Variants in C12orf56 observed in about 807,000 individuals in gnomAD.
The protein encoded by C12orf56 is chromosome 12 open reading frame 56.
Under a neutral mutation model 69.9 loss-of-function variants are expected in C12orf56, and 71 were observed. The observed-to-expected ratio is 1.02, with a 90% CI of 0.84 to 1.24. The LOEUF (loss-of-function observed/expected upper bound fraction) is 1.24. C12orf56 is among the 50% of genes most tolerant of loss of function. The probability of loss-of-function intolerance (pLI) is 0.00; values close to 1 mark genes in which losing one functional copy is unlikely to be tolerated. For synonymous variants in C12orf56, 276 were observed against 274.1 expected, an observed-to-expected ratio of 1.01 and a Z score of -0.07; for missense variants, 732 against 738.5, an observed-to-expected ratio of 0.99 and a Z score of 0.10.
intron 6 of C12orf56, chr12:64,293,341 C>G (rs971238133): frequency 1.3e-5 from 2 of 153,186 alleles, no homozygotes; most frequent in African/African-American, 2.4e-5. Context: ...AGCTGTAGAC[C>G]GGAGCTGTTC....
intron 8 of C12orf56, among the ~76,000 whole-genome samples, chr12:64,283,632 C>T (rs2038160383): frequency 6.6e-6 from 1 of 151,414 alleles, no homozygotes; most frequent in Admixed American, 6.6e-5. Context: ...CTTGTTTGCC[C>T]TCTGCTTCTC....
At chr12:64,309,306 A>G (rs960001388) in intron 5 of C12orf56, among the ~76,000 whole-genome samples, 7 of 151,806 alleles carry the variant, frequency 4.6e-5, no homozygotes, top group Non-Finnish European at 1.0e-4. Context: ...ACTCTCCCCA[A>G]CCCCGGAGAC....
At chr12:64,382,777 G>A (rs2135986689) in intron 1 of C12orf56, among the ~76,000 whole-genome samples, 1 of 151,570 alleles carries the variant, frequency 6.6e-6, no homozygotes, top group East Asian at 2.0e-4. Context: ...GGAGGCTGGG[G>A]CAGGCGAATG....
chr12:64,373,643 A>C (rs558745970), intron 1 of C12orf56, among the ~76,000 whole-genome samples: 2 of 152,222 alleles, frequency 1.3e-5, no homozygotes, highest in African/African-American at 4.8e-5. Flanking sequence ...CTAACTCTCC[A>C]GTCTCCACTA....
In C12orf56 at chr12:64,265,478, A is replaced by ATT. The variant is rs1427946178; in HGVS notation, c.*1704_*1705insAA. On this transcript the variant is annotated 3_prime_UTR_variant, in exon 13 of 13. Coordinates refer to ENST00000543942, the MANE Select transcript of C12orf56 (RefSeq NM_001170633.2). ...ACACTACTCCATTTCAGAGTGTTAA[A>ATT]TGTCTTGTCACAGGCAGAGAATGTA... is the stretch of plus-strand genomic sequence containing the variant. The ATT allele has an allele frequency of 6.6e-6, 1 of 152,252 alleles. No homozygotes were observed. The highest frequency in any genetic ancestry group is 1.5e-5 in the Non-Finnish European group (1 of 68,064). 9.4% of individuals were successfully genotyped at this position (152,252 alleles called of 1,614,324 possible). A position where few individuals can be genotyped will look rare whatever the true frequency, so the allele number is the denominator to read the frequency against.
intron 12 of C12orf56, chr12:64,267,799 T>G (rs1346294839): frequency 1.3e-5 from 2 of 152,310 alleles, no homozygotes; most frequent in African/African-American, 4.8e-5. Context: ...GAGAGCTTTA[T>G]CTTTAAAATC....
intron 2 of C12orf56, among the ~76,000 whole-genome samples, chr12:64,350,177 A>G (rs2039203896): frequency 6.6e-6 from 1 of 151,998 alleles, no homozygotes; most frequent in Non-Finnish European, 1.5e-5. Context: ...ATAAAAGACT[A>G]CAAATTGGAT....
chr12:64,303,846 T>G, intron 5 of C12orf56, 67 bp from the exon 6 acceptor site: 1 of 1,479,014 alleles, frequency 6.8e-7, no homozygotes, highest in Admixed American at 2.7e-5. Context: ...GGAATATCAA[T>G]GATTACTGTC....
chr12:64,380,684 G>C (rs1565783428), intron 1 of C12orf56, among the ~76,000 whole-genome samples: 1 of 152,214 alleles, frequency 6.6e-6, no homozygotes, highest in African/African-American at 2.4e-5. Flanking sequence ...GTGATGCTGA[G>C]TTTGGGCTGA....
At chr12:64,283,283 GCAGTGAGC>G (rs1375355075) in intron 8 of C12orf56, among the ~76,000 whole-genome samples, 1 of 152,212 alleles carries the variant, frequency 6.6e-6, no homozygotes, top group Non-Finnish European at 1.5e-5. Flanking sequence ...AGCAGAGGGT[GCAGTGAGC>G]TGAAATCGTG....
At position 64,318,964 on chromosome 12, in the gene C12orf56, T is replaced by G; in HGVS notation, c.505A>C (p.Ser169Arg). 5 of 1,494,118 alleles carry G rather than the reference T, an allele frequency of 3.3e-6. No homozygotes were observed. Among genetic ancestry groups the G allele is most frequent in the Non-Finnish European group, 4.4e-6 (5 of 1,126,644 alleles). 92.6% of individuals were successfully genotyped at this position (1,494,118 alleles called of 1,614,324 possible). ...AGAGTTGAGTCCTTGGATGGTGTAC[T>G]GCTCTCCTGCTGGTCCCTGTCAGGT... Reference protein sequence around the residue: ...ESPLRDQQESSTPSKDSTLCP... With the variant: ...ESPLRDQQESRTPSKDSTLCP... The change falls in exon 4 of 13, where the codon AGT (serine) becomes CGT (arginine). Residue 169 changes from serine to arginine, a missense_variant. Ser to Arg is a moderately radical substitution (Grantham distance 110). Coordinates refer to ENST00000543942, the MANE Select transcript of C12orf56 (RefSeq NM_001170633.2).
chr12:64,358,479 A>ATCATCATCATCATCATCATCATC (rs1565773423), intron 1 of C12orf56, among the ~76,000 whole-genome samples: 1 of 25,052 alleles, frequency 4.0e-5, no homozygotes, highest in Non-Finnish European at 1.9e-4. Flanking sequence ...TAATAATAAT[A>ATCATCATCATCATCATCATCATC]ATAATCATCA....
intron 1 of C12orf56, among the ~76,000 whole-genome samples, chr12:64,388,451 T>TA (rs1474751996): frequency 1.3e-5 from 2 of 151,406 alleles, no homozygotes; most frequent in Admixed American, 1.3e-4. Flanking sequence ...CTTGCTAGGT[T>TA]ACCTAAGTCT....
chr12:64,354,213 A>G (rs1351017826), intron 1 of C12orf56, among the ~76,000 whole-genome samples: 4 of 152,214 alleles, frequency 2.6e-5, no homozygotes, highest in Non-Finnish European at 1.5e-5. Context: ...AATAGATAGG[A>G]CATTTAGATC....
chr12:64,372,572 T>C (rs917593729), intron 1 of C12orf56, among the ~76,000 whole-genome samples: 2 of 152,228 alleles, frequency 1.3e-5, no homozygotes, highest in African/African-American at 4.8e-5. Context: ...TGGAGTGCAA[T>C]GGCACGATCT....
At chr12:64,312,584 G>A in intron 5 of C12orf56, 95 bp downstream of exon 5, 2 of 925,086 alleles carry the variant, frequency 2.2e-6, no homozygotes, top group South Asian at 2.9e-5. Flanking sequence ...ACTCCAGCCT[G>A]GGAAACAGAG....
chr12:64,360,245 C>T (rs761828764), intron 1 of C12orf56, among the ~76,000 whole-genome samples: 4 of 151,106 alleles, frequency 2.6e-5, no homozygotes, highest in Admixed American at 6.6e-5. Context: ...GCCAGCATGG[C>T]GAAACCCCGT....
At chr12:64,371,979 C>T (rs2039578675) in intron 1 of C12orf56, among the ~76,000 whole-genome samples, 1 of 149,784 alleles carries the variant, frequency 6.7e-6, no homozygotes, top group African/African-American at 2.5e-5. Context: ...CAGGGCTTCA[C>T]CATGGTGGCC....
At chr12:64,353,663 C>T (rs893055968) in intron 1 of C12orf56, among the ~76,000 whole-genome samples, 5 of 152,140 alleles carry the variant, frequency 3.3e-5, no homozygotes, top group African/African-American at 1.2e-4. Context: ...GTACATCCCT[C>T]TCCACTTCCA....
Sources: gnomAD v4.1 joint callset for allele counts (sites outside exome capture counted in the v4.1 genomes callset) on GRCh38, gnomAD v4.1.1 for gene constraint, MANE v1.5 for transcripts, NCBI Gene and HGNC (gene_info 2026-07-23, HGNC 2026-07-21) for gene names.